The following KSR2 variants were observed in gnomAD, a reference collection of about 807,000 sequenced individuals.
KSR2 encodes kinase suppressor of ras 2.
A neutral mutation model predicts 107.8 loss-of-function variants in KSR2; 25 were observed. That is an observed-to-expected ratio of 0.23 (90% confidence interval 0.17 to 0.32). KSR2 has a LOEUF of 0.32. Ranked by LOEUF, KSR2 falls within the 10% of genes least tolerant of loss-of-function variation. The pLI, the probability that KSR2 is intolerant of heterozygous loss-of-function variation, is 1.00. For missense variants in KSR2, 887 were observed against 1,268.9 expected (o/e 0.70, Z 4.57); for synonymous variants, 480 against 507.0 (o/e 0.95, Z 0.71).
At chr12:117,654,206 T>A (rs908218465) in intron 5 of KSR2, among the ~76,000 whole-genome samples, 1 of 152,184 alleles carries the variant, frequency 6.6e-6, no homozygotes, top group African/African-American at 2.4e-5. Context: ...CATGTAGCCA[T>A]AAAGTGAGTC....
intron 9 of KSR2, among the ~76,000 whole-genome samples, chr12:117,549,780 T>C (rs1877160996): frequency 6.6e-6 from 1 of 152,156 alleles, no homozygotes; most frequent in African/African-American, 2.4e-5. Flanking sequence ...ATCAATGTTA[T>C]ATGAATGAAT....
At chr12:117,821,476 C>T (rs1891562556) in intron 3 of KSR2, among the ~76,000 whole-genome samples, 1 of 152,154 alleles carries the variant, frequency 6.6e-6, no homozygotes, top group Non-Finnish European at 1.5e-5. Flanking sequence ...CTCTACCGTA[C>T]TTTATTGTAG....
chr12:117,840,095 A>AT (rs1341457357), intron 3 of KSR2, among the ~76,000 whole-genome samples: 1 of 119,838 alleles, frequency 8.3e-6, no homozygotes, highest in African/African-American at 4.1e-5. Flanking sequence ...ATTTTACTTT[A>AT]TTTTATTTTA....
chr12:117,794,736 T>G (rs1890558444), intron 3 of KSR2, among the ~76,000 whole-genome samples: 1 of 151,278 alleles, frequency 6.6e-6, no homozygotes. Flanking sequence ...TGCACACACT[T>G]ATACCAACAT....
chr12:117,656,980 G>GTATATATATATA (rs1884194868), intron 5 of KSR2, among the ~76,000 whole-genome samples: 4 of 50,542 alleles, frequency 7.9e-5, no homozygotes, highest in South Asian at 6.3e-4. Flanking sequence ...ATATATAATA[G>GTATATATATATA]GATATATATA....
At chr12:117,749,421 A>G (rs1888535081) in intron 4 of KSR2, among the ~76,000 whole-genome samples, 1 of 152,094 alleles carries the variant, frequency 6.6e-6, no homozygotes, top group South Asian at 2.1e-4. Flanking sequence ...AACTCCTTGA[A>G]AAGAAATAAC....
intron 1 of KSR2, among the ~76,000 whole-genome samples, chr12:117,877,284 C>G (rs1893885541): frequency 6.6e-6 from 1 of 152,004 alleles, no homozygotes; most frequent in African/African-American, 2.4e-5. Flanking sequence ...TTGCAGTGAG[C>G]CAAGATCGCA....
chr12:117,965,320 C>T (rs1896754852), intron 1 of KSR2, among the ~76,000 whole-genome samples: 1 of 152,184 alleles, frequency 6.6e-6, no homozygotes, highest in South Asian at 2.1e-4. Context: ...CTATATGTCT[C>T]CAGAATTCTT....
In KSR2 at chr12:117,862,731, T is replaced by TCC. The variant is rs1168003710; in HGVS notation, c.181-2301_181-2300insGG. 1.5e-3 allele frequency among the ~76,000 whole-genome samples: 175 copies of TCC among 118,858 alleles called. No individual in the cohort carries two copies. In the Middle Eastern group the frequency reaches 0.023, roughly 16 times the overall value. The allele number at this position is 118,858 out of a possible 152,430, so 78.0% of individuals were successfully genotyped here. On this transcript the variant is annotated intron_variant, in intron 1 of 19. Coordinates refer to ENST00000339824, the MANE Select transcript of KSR2 (RefSeq NM_173598.6). ...CTATCTGGTCTCCATTCCCCCCCTT[T>TCC]TTTTTTTTTTTTTTTTGAGACGGAG...
At chr12:117,660,208 T>A (rs1050460433) in intron 5 of KSR2, among the ~76,000 whole-genome samples, 4 of 152,090 alleles carry the variant, frequency 2.6e-5, no homozygotes, top group Non-Finnish European at 5.9e-5. Context: ...GAGGAGGAGG[T>A]CTGCGTTGGT....
At chr12:117,781,451 T>C (rs936099145) in intron 3 of KSR2, among the ~76,000 whole-genome samples, 1 of 151,792 alleles carries the variant, frequency 6.6e-6, no homozygotes, top group Non-Finnish European at 1.5e-5. Flanking sequence ...GTGCAGATGA[T>C]GGGGAGAGGG....
intron 1 of KSR2, among the ~76,000 whole-genome samples, chr12:117,955,826 ATTTAAAATTT>A (rs1453068128): frequency 1.4e-5 from 2 of 147,146 alleles, no homozygotes; most frequent in Non-Finnish European, 3.0e-5. Context: ...CACCTTTGTA[ATTTAAAATTT>A]TCTAGTAGCC....
At chr12:117,516,944 A>G (rs1431042472) in intron 14 of KSR2, among the ~76,000 whole-genome samples, 1 of 152,104 alleles carries the variant, frequency 6.6e-6, no homozygotes, top group Non-Finnish European at 1.5e-5. Flanking sequence ...GCAGTTAGGT[A>G]TGGCCAACAG....
intron 7 of KSR2, among the ~76,000 whole-genome samples, chr12:117,560,678 T>A: frequency 6.6e-6 from 1 of 152,246 alleles, no homozygotes; most frequent in Non-Finnish European, 1.5e-5. Context: ...TGTTGAAATG[T>A]GACCTCCAAG....
intron 3 of KSR2, among the ~76,000 whole-genome samples, chr12:117,811,033 CA>C (rs1192495222): frequency 2.0e-5 from 3 of 152,208 alleles, no homozygotes; most frequent in Non-Finnish European, 4.4e-5. Flanking sequence ...AAAGACCCAT[CA>C]ATTGGTTGCT....
At chr12:117,515,163 A>G (rs938473581) in intron 14 of KSR2, among the ~76,000 whole-genome samples, 2 of 152,116 alleles carry the variant, frequency 1.3e-5, no homozygotes, top group Admixed American at 1.3e-4. Context: ...TTCCATCATC[A>G]GGCACTGGAC....
intron 4 of KSR2, among the ~76,000 whole-genome samples, chr12:117,715,272 G>T (rs1244100584): frequency 6.6e-6 from 1 of 152,116 alleles, no homozygotes; most frequent in Non-Finnish European, 1.5e-5. Flanking sequence ...ACCCACCCGG[G>T]GATCCCTGCA....
rs911984110 is a variant in KSR2, at chr12:117,824,876, A to T, written c.472+30552T>A. Among the ~76,000 whole-genome samples, 130 of 150,138 alleles carry T rather than the reference A, an allele frequency of 8.7e-4. 2 individuals carry two copies. The highest frequency in any genetic ancestry group is 2.7e-3 in the African/African-American group (112 of 40,780). ...TATCTCAAAAAAAAAAAAAAAAAAAAATTAAACAAAGTACCTGACAAAGCT... is the reference window on the plus strand; with the variant it reads ...TATCTCAAAAAAAAAAAAAAAAAAATATTAAACAAAGTACCTGACAAAGCT... On this transcript the variant is annotated intron_variant, in intron 3 of 19. Coordinates refer to ENST00000339824, the MANE Select transcript of KSR2 (RefSeq NM_173598.6).
At chr12:117,721,440 C>T (rs1340003608) in intron 4 of KSR2, among the ~76,000 whole-genome samples, 1 of 152,190 alleles carries the variant, frequency 6.6e-6, no homozygotes, top group Non-Finnish European at 1.5e-5. Flanking sequence ...GTGTAATTGG[C>T]TATCAAGTGG....
Sources: allele counts gnomAD v4.1 joint callset (sites outside exome capture counted in the v4.1 genomes callset), GRCh38; gene constraint gnomAD v4.1.1; transcripts MANE v1.5; gene names NCBI Gene and HGNC (gene_info 2026-07-23, HGNC 2026-07-21).